The following TMEM132D variants were observed in gnomAD, a reference collection of about 807,000 sequenced individuals.
TMEM132D encodes mature OL transmembrane protein.
In TMEM132D, 21 loss-of-function variants were observed where a neutral mutation model predicts 62.3. The observed-to-expected ratio is 0.34, with a 90% CI of 0.24 to 0.49. TMEM132D has a LOEUF of 0.49. Ranked by LOEUF, TMEM132D falls within the 20% of genes least tolerant of loss-of-function variation. TMEM132D has a pLI of 0.99. For missense variants in TMEM132D, 1,346 were observed against 1,402.8 expected, an observed-to-expected ratio of 0.96 and a Z score of 0.65; for synonymous variants, 621 against 575.6, an observed-to-expected ratio of 1.08 and a Z score of -1.13.
intron 4 of TMEM132D, among the ~76,000 whole-genome samples, chr12:129,292,790 G>C (rs142911884): frequency 6.6e-6 from 1 of 151,838 alleles, no homozygotes; most frequent in Non-Finnish European, 1.5e-5. Flanking sequence ...AAGTAGAGGA[G>C]AAAATGAAAA....
chr12:129,786,991 T>A lies in TMEM132D; in HGVS notation c.80-86293A>T, dbSNP rs548148301. ...GGGGCATCGGAATGTGACGGGCAAG[T>A]TGCAGAATGATGAGGGGCTGTGAGG... is the stretch of plus-strand genomic sequence containing the variant. On this transcript the variant is annotated intron_variant, in intron 1 of 8. Transcript: ENST00000422113. Among the ~76,000 whole-genome samples the A allele has an allele frequency of 9.3e-5, 14 of 151,212 alleles. No homozygotes were observed. In the East Asian group the frequency reaches 2.6e-3, roughly 28 times the overall value.
At chr12:129,315,835 T>G (rs1439000144) in intron 4 of TMEM132D, among the ~76,000 whole-genome samples, 1 of 152,190 alleles carries the variant, frequency 6.6e-6, no homozygotes, top group Non-Finnish European at 1.5e-5. Context: ...ATTGGTCTGT[T>G]CAGGGTACCT....
intron 5 of TMEM132D, among the ~76,000 whole-genome samples, chr12:129,192,268 CATTTGGA>C (rs146041943): frequency 2.2e-4 from 34 of 152,284 alleles, no homozygotes; most frequent in African/African-American, 8.2e-4. Context: ...TAGAAGTTCT[CATTTGGA>C]ATTTGGAATC....
chr12:129,609,984 G>A (rs1878726348), intron 2 of TMEM132D, among the ~76,000 whole-genome samples: 1 of 152,096 alleles, frequency 6.6e-6, no homozygotes, highest in Non-Finnish European at 1.5e-5. Flanking sequence ...AAAAGAGAGG[G>A]GAAGGCTGGG....
chr12:129,490,596 A>ATTTTT (rs35535325), intron 3 of TMEM132D, among the ~76,000 whole-genome samples: 725 of 71,040 alleles, frequency 0.01, 35 homozygotes, highest in African/African-American at 0.031. Flanking sequence ...CGCCCGGCTA[A>ATTTTT]TTTTTTTTTT....
chr12:129,396,345 C>A (rs553948241), intron 3 of TMEM132D, among the ~76,000 whole-genome samples: 1 of 152,100 alleles, frequency 6.6e-6, no homozygotes, highest in Non-Finnish European at 1.5e-5. Context: ...CTACTAAAGC[C>A]CCCACATTGT....
chr12:129,088,779 CG>C (rs1374975454), intron 5 of TMEM132D, among the ~76,000 whole-genome samples: 1 of 53,856 alleles, frequency 1.9e-5, no homozygotes, highest in Non-Finnish European at 3.6e-5. Context: ...CCTCCATGAC[CG>C]GGGTGTCCTC....
At chr12:129,159,970 G>C (rs1170593663) in intron 5 of TMEM132D, among the ~76,000 whole-genome samples, 1 of 152,114 alleles carries the variant, frequency 6.6e-6, no homozygotes, top group Non-Finnish European at 1.5e-5. Flanking sequence ...GAGCTGAGAT[G>C]CTGCCTGAGG....
At chr12:129,509,544 T>C (rs1875437323) in intron 3 of TMEM132D, among the ~76,000 whole-genome samples, 1 of 152,184 alleles carries the variant, frequency 6.6e-6, no homozygotes, top group Non-Finnish European at 1.5e-5. Flanking sequence ...AATCACCCTG[T>C]TGTGCTATCA....
At chr12:129,489,058 C>G (rs753799231) in intron 3 of TMEM132D, among the ~76,000 whole-genome samples, 1 of 152,114 alleles carries the variant, frequency 6.6e-6, no homozygotes, top group Non-Finnish European at 1.5e-5. Flanking sequence ...AACAATACAG[C>G]CAAATGCAAA....
intron 3 of TMEM132D, among the ~76,000 whole-genome samples, chr12:129,450,392 A>T (rs143164115): frequency 6.6e-6 from 1 of 152,268 alleles, no homozygotes; most frequent in African/African-American, 2.4e-5. Flanking sequence ...AGTCTGTATA[A>T]CAAACCCCCA....
intron 2 of TMEM132D, among the ~76,000 whole-genome samples, chr12:129,586,422 C>T (rs1337911662): frequency 6.6e-6 from 1 of 152,182 alleles, no homozygotes; most frequent in African/African-American, 2.4e-5. Flanking sequence ...TCACTTTAGG[C>T]TGCTAACACA....
At chr12:129,570,005 C>T (rs892804902) in intron 2 of TMEM132D, among the ~76,000 whole-genome samples, 23 of 152,090 alleles carry the variant, frequency 1.5e-4, no homozygotes, top group Middle Eastern at 3.4e-3. Context: ...TTCAATTCTA[C>T]GGGAAGAGAC....
At chr12:129,352,507 T>C (rs920177153) in intron 3 of TMEM132D, among the ~76,000 whole-genome samples, 9 of 151,798 alleles carry the variant, frequency 5.9e-5, no homozygotes, top group African/African-American at 2.2e-4. Context: ...TTGCAATCTA[T>C]GTATCTGACA....
At chr12:129,432,108 T>C (rs780602284) in intron 3 of TMEM132D, among the ~76,000 whole-genome samples, 9 of 152,250 alleles carry the variant, frequency 5.9e-5, no homozygotes, top group African/African-American at 2.2e-4. Context: ...TATGGATGAA[T>C]GAATGGATGG....
chr12:129,737,554 T>TC (rs1245655351), intron 1 of TMEM132D, among the ~76,000 whole-genome samples: 1 of 151,946 alleles, frequency 6.6e-6, no homozygotes, highest in African/African-American at 2.4e-5. Context: ...TTTCCTACCG[T>TC]CCACACCATT....
At chr12:129,499,888 A>T (rs1374633252) in intron 3 of TMEM132D, among the ~76,000 whole-genome samples, 1 of 151,964 alleles carries the variant, frequency 6.6e-6, no homozygotes, top group Non-Finnish European at 1.5e-5. Flanking sequence ...CAGGGAGGCA[A>T]TTCACCTGAC....
intron 5 of TMEM132D, among the ~76,000 whole-genome samples, chr12:129,127,202 T>G (rs1245492210): frequency 6.6e-6 from 1 of 152,186 alleles, no homozygotes; most frequent in African/African-American, 2.4e-5. Context: ...TGAGTTTTTG[T>G]TTTTTTCAAT....
chr12:129,319,645 C>A, intron 4 of TMEM132D, among the ~76,000 whole-genome samples: 1 of 152,108 alleles, frequency 6.6e-6, no homozygotes, highest in Non-Finnish European at 1.5e-5. Flanking sequence ...TCAGAGCAGT[C>A]CAGTGTTTGT....
Sources: gnomAD v4.1 joint callset for allele counts (sites outside exome capture counted in the v4.1 genomes callset) on GRCh38, gnomAD v4.1.1 for gene constraint, MANE v1.5 for transcripts, NCBI Gene and HGNC (gene_info 2026-07-23, HGNC 2026-07-21) for gene names.